The following NAV2 variants were observed in gnomAD, a reference collection of about 807,000 sequenced individuals.
The protein encoded by NAV2 is neuron navigator 2.
In NAV2, 54 loss-of-function variants were observed where a neutral mutation model predicts 223.2. The ratio of observed to expected loss-of-function variants is 0.24; its 90% CI spans 0.19 to 0.30. The LOEUF (loss-of-function observed/expected upper bound fraction) is 0.30, where lower values mean the gene tolerates loss of function less well. NAV2 is among the 10% of genes least tolerant of loss of function. NAV2 has a pLI of 1.00. For synonymous variants in NAV2, 1,279 were observed against 1,239.3 expected (o/e 1.03, Z -0.67); for missense variants, 2,806 against 3,147.5 (o/e 0.89, Z 2.60).
At chr11:19,600,900 G>A (rs1374815521) in intron 1 of NAV2, among the ~76,000 whole-genome samples, 1 of 152,206 alleles carries the variant, frequency 6.6e-6, no homozygotes. Context: ...GCTTTCTGCA[G>A]CAGCATCACT....
intron 1 of NAV2, among the ~76,000 whole-genome samples, chr11:19,622,901 A>G (rs2047045249): frequency 6.6e-6 from 1 of 152,126 alleles, no homozygotes; most frequent in Admixed American, 6.5e-5. Flanking sequence ...AGTGGTGGGT[A>G]CCGGTTGTTC....
chr11:19,627,681 G>T (rs1171123847), intron 1 of NAV2, among the ~76,000 whole-genome samples: 2 of 152,034 alleles, frequency 1.3e-5, no homozygotes, highest in Non-Finnish European at 2.9e-5. Flanking sequence ...GCTTCTTAGG[G>T]GACATCTCAG....
intron 10 of NAV2, among the ~76,000 whole-genome samples, chr11:19,965,547 C>T (rs2153417381): frequency 6.6e-6 from 1 of 152,310 alleles, no homozygotes; most frequent in Non-Finnish European, 1.5e-5. Context: ...CAGATGATGA[C>T]AATTCATCCT....
intron 1 of NAV2, among the ~76,000 whole-genome samples, chr11:19,528,561 T>A (rs2134400184): frequency 6.6e-6 from 1 of 152,216 alleles, no homozygotes; most frequent in South Asian, 2.1e-4. Context: ...GCCAGCTCCC[T>A]TCCAAAATGA....
At chr11:19,950,700 C>G (rs1206267510) in intron 10 of NAV2, among the ~76,000 whole-genome samples, 1 of 152,172 alleles carries the variant, frequency 6.6e-6, no homozygotes, top group African/African-American at 2.4e-5. Flanking sequence ...GGAAAATTTC[C>G]CCTTTACCCT....
intron 1 of NAV2, among the ~76,000 whole-genome samples, chr11:19,512,467 G>C (rs548664697): frequency 1.3e-5 from 2 of 152,302 alleles, no homozygotes; most frequent in South Asian, 4.1e-4. Context: ...ACCAGAGAGG[G>C]AGGCTAGATG....
At chr11:19,492,923 C>T (rs1255355427) in intron 1 of NAV2, among the ~76,000 whole-genome samples, 6 of 152,182 alleles carry the variant, frequency 3.9e-5, no homozygotes, top group Non-Finnish European at 1.5e-5. Flanking sequence ...GAGGTGAAGC[C>T]TGGGGCTGGA....
intron 11 of NAV2, among the ~76,000 whole-genome samples, chr11:19,995,583 G>C (rs562638173): frequency 2.6e-5 from 4 of 152,152 alleles, no homozygotes; most frequent in African/African-American, 9.6e-5. Context: ...AGGTAAAGAA[G>C]AATGTCTGGA....
At chr11:19,919,471 C>A (rs773639770) in intron 6 of NAV2, among the ~76,000 whole-genome samples, 1 of 152,050 alleles carries the variant, frequency 6.6e-6, no homozygotes, top group African/African-American at 2.4e-5. Context: ...GTGAAGTTGA[C>A]GGGGCACACA....
At chr11:19,726,596 G>A (rs988672246) in intron 1 of NAV2, among the ~76,000 whole-genome samples, 1 of 152,160 alleles carries the variant, frequency 6.6e-6, no homozygotes, top group Non-Finnish European at 1.5e-5. Flanking sequence ...GTAGAATGTG[G>A]GAATCAGGGT....
At chr11:19,461,627 G>A (rs1023521086) in intron 1 of NAV2, among the ~76,000 whole-genome samples, 23 of 152,292 alleles carry the variant, frequency 1.5e-4, no homozygotes, top group African/African-American at 4.3e-4. Context: ...GGAAGGGACC[G>A]TTTAGATCAT....
chr11:19,388,773 T>C (rs4757794), intron 1 of NAV2, among the ~76,000 whole-genome samples: 92,789 of 152,056 alleles, frequency 0.61, 30,776 homozygotes, highest in Non-Finnish European at 0.73. Context: ...AGCCATAGTT[T>C]ATTGAACACC....
chr11:19,605,870 A>T (rs1016277042), intron 1 of NAV2, among the ~76,000 whole-genome samples: 2 of 152,154 alleles, frequency 1.3e-5, no homozygotes, highest in East Asian at 3.9e-4. Flanking sequence ...TCCCTGGGAC[A>T]TCCTATTAAT....
At chr11:19,881,144 T>A (rs2585758) in intron 5 of NAV2, among the ~76,000 whole-genome samples, 30,498 of 152,212 alleles carry the variant, frequency 0.2, 3,732 homozygotes, top group South Asian at 0.43. Context: ...CTGCTGCCTT[T>A]TAGACAGTTA....
rs1174383483 is a variant in NAV2 at position 19,842,866 on chromosome 11, T to C, written c.386-5T>C. On this transcript the variant is annotated splice_polypyrimidine_tract_variant and splice_region_variant and intron_variant, in intron 2 of 37. Coordinates refer to ENST00000349880, the MANE Select transcript of NAV2 (RefSeq NM_145117.5). Reference sequence around the variant, plus strand: ...TATTTTTCTGACTTGTGTTTCCTTTTTCAGCAAATGAAAAGATTGAAGACA... The same window carrying C: ...TATTTTTCTGACTTGTGTTTCCTTTCTCAGCAAATGAAAAGATTGAAGACA... 6.2e-7 allele frequency: 1 copy of C among 1,613,914 alleles called. No individual in the cohort carries two copies. The highest frequency in any genetic ancestry group is 2.2e-5 in the East Asian group (1 of 44,872).
chr11:19,937,420 T>G (rs979037177), intron 7 of NAV2, among the ~76,000 whole-genome samples: 1 of 151,790 alleles, frequency 6.6e-6, no homozygotes, highest in African/African-American at 2.4e-5. Flanking sequence ...GATGGGTCAT[T>G]TTTTTAAAAA....
At chr11:19,883,152 A>G (rs2063325741) in intron 5 of NAV2, among the ~76,000 whole-genome samples, 1 of 152,208 alleles carries the variant, frequency 6.6e-6, no homozygotes, top group Non-Finnish European at 1.5e-5. Context: ...ACTCTGCCTA[A>G]AAACTATTTT....
chr11:19,768,248 C>T (rs371240148), intron 1 of NAV2, among the ~76,000 whole-genome samples: 22 of 152,202 alleles, frequency 1.4e-4, no homozygotes, highest in African/African-American at 5.1e-4. Flanking sequence ...ATGTTCTCAT[C>T]GGGAAGGAGA....
chr11:19,622,538 G>A (rs1399330840), intron 1 of NAV2, among the ~76,000 whole-genome samples: 1 of 152,132 alleles, frequency 6.6e-6, no homozygotes, highest in Non-Finnish European at 1.5e-5. Flanking sequence ...TTTGATCTTT[G>A]TTGGTTTAAA....
Sources: allele counts gnomAD v4.1 joint callset (sites outside exome capture counted in the v4.1 genomes callset), GRCh38; gene constraint gnomAD v4.1.1; transcripts MANE v1.5; gene names NCBI Gene and HGNC (gene_info 2026-07-23, HGNC 2026-07-21).